Variants in TG observed in about 807,000 individuals in gnomAD.
The protein encoded by TG is thyroid hormones.
In TG, 270 loss-of-function variants were observed where a neutral mutation model predicts 324.7. That is an observed-to-expected ratio of 0.83 (90% CI 0.75 to 0.92). The LOEUF is 0.92. Among genes scored for constraint, TG ranks in the 40% least tolerant of loss-of-function variants. The probability of loss-of-function intolerance (pLI) is 0.00; values close to 1 mark genes in which losing one functional copy is unlikely to be tolerated. For synonymous variants in TG, 1,401 were observed against 1,327.0 expected (o/e 1.06, Z -1.21); for missense variants, 3,591 against 3,456.4 (o/e 1.04, Z -0.98).
intron 22 of TG, among the ~76,000 whole-genome samples, chr8:132,928,822 A>G (rs1587444445): frequency 1.3e-5 from 2 of 152,248 alleles, no homozygotes; most frequent in African/African-American, 4.8e-5. Context: ...AGTTGTAAGG[A>G]CTAACATTAA....
At chr8:133,065,804 TAA>T (rs999940950) in intron 41 of TG, among the ~76,000 whole-genome samples, 12 of 148,266 alleles carry the variant, frequency 8.1e-5, no homozygotes, top group African/African-American at 2.6e-4. Context: ...AATAAAAAAG[TAA>T]AATAAAAGTC....
intron 33 of TG, among the ~76,000 whole-genome samples, chr8:132,972,091 C>G (rs1434706040): frequency 6.6e-6 from 1 of 152,028 alleles, no homozygotes; most frequent in Non-Finnish European, 1.5e-5. Flanking sequence ...TCTACCTGGC[C>G]AAACTTCCTT....
Position 132,913,256 on chromosome 8 carries a change from C to G in TG, c.4369C>G (p.Leu1457Val), listed in dbSNP as rs989763340. The G allele has an allele frequency of 2.5e-6, 4 of 1,614,044 alleles. No individual in the cohort carries two copies. The highest frequency in any genetic ancestry group is 1.1e-5 in the South Asian group (1 of 91,080). The change falls in exon 20 of 48, where the codon CTG (leucine) becomes GTG (valine). Residue 1457 changes from leucine to valine, a missense_variant. Physicochemically the swap from Leu to Val is conservative, Grantham distance 32. Transcript: ENST00000220616. ...GACAAGTGAGGCCAGTCAGGACGGA[C>G]TGGGATGCGGTAGGTCCACTCTCTC... ...VLTSEASQDG[L>V]GCVKCPEGSY...
At chr8:133,061,142 C>T (rs1418962154) in intron 41 of TG, among the ~76,000 whole-genome samples, 1 of 152,190 alleles carries the variant, frequency 6.6e-6, no homozygotes, top group Non-Finnish European at 1.5e-5. Context: ...TTCCAAGTAG[C>T]TGGGATTACA....
At chr8:133,084,815 A>G (rs1481389877) in intron 41 of TG, among the ~76,000 whole-genome samples, 1 of 152,234 alleles carries the variant, frequency 6.6e-6, no homozygotes, top group East Asian at 1.9e-4. Flanking sequence ...ACAGTTCTAC[A>G]GCTAGACCAC....
chr8:133,047,074 C>T (rs143599107), intron 41 of TG: 2 of 152,312 alleles, frequency 1.3e-5, no homozygotes, highest in Admixed American at 6.5e-5. Context: ...ATGGTACTCT[C>T]CTACTGTAAA....
chr8:132,935,897 C>T (rs200421152), intron 25 of TG, 33 bp downstream of exon 25: 50 of 1,563,068 alleles, frequency 3.2e-5, no homozygotes, highest in African/African-American at 1.4e-4. Context: ...CTTAGGCCCG[C>T]GGTGGCTTCA....
chr8:132,885,880 T>C (rs182632636), intron 8 of TG, among the ~76,000 whole-genome samples: 71 of 152,302 alleles, frequency 4.7e-4, no homozygotes, highest in African/African-American at 1.7e-3. Context: ...CTGGTGTCTT[T>C]GGCTTGTGGC....
At chr8:132,942,260 A>G (rs1023820275) in intron 26 of TG, among the ~76,000 whole-genome samples, 5 of 152,208 alleles carry the variant, frequency 3.3e-5, no homozygotes, top group Non-Finnish European at 5.9e-5. Context: ...AGAGATAATG[A>G]TACTTTCTAC....
chr8:133,133,986 G>A (rs1852155925), intron 47 of TG, among the ~76,000 whole-genome samples: 1 of 152,248 alleles, frequency 6.6e-6, no homozygotes, highest in Non-Finnish European at 1.5e-5. Flanking sequence ...AGAGAAGGGA[G>A]TGTCTTGAAC....
At chr8:132,870,778 G>C (rs1417335650) in intron 3 of TG, among the ~76,000 whole-genome samples, 2 of 152,056 alleles carry the variant, frequency 1.3e-5, no homozygotes, top group African/African-American at 4.8e-5. Flanking sequence ...GAAAGCTAGA[G>C]AGATAGAAGG....
chr8:132,935,484 C>G (rs1265539930), intron 24 of TG, among the ~76,000 whole-genome samples: 2 of 152,158 alleles, frequency 1.3e-5, no homozygotes, highest in African/African-American at 4.8e-5. Context: ...CTCAGACTCA[C>G]TTTTTCTGGG....
At chr8:133,056,309 ATG>A (rs1420914105) in intron 41 of TG, among the ~76,000 whole-genome samples, 1 of 152,168 alleles carries the variant, frequency 6.6e-6, no homozygotes, top group Non-Finnish European at 1.5e-5. Context: ...AGACCATCTC[ATG>A]TACCAGCAGC....
intron 41 of TG, among the ~76,000 whole-genome samples, chr8:133,056,673 G>A (rs532339765): frequency 3.3e-5 from 5 of 152,308 alleles, no homozygotes; most frequent in Admixed American, 6.5e-5. Flanking sequence ...CAGAAGCCTC[G>A]TGGGGCTGTG....
intron 47 of TG, among the ~76,000 whole-genome samples, chr8:133,134,329 T>A (rs1290173543): frequency 6.6e-6 from 1 of 152,144 alleles, no homozygotes; most frequent in Non-Finnish European, 1.5e-5. Context: ...GATGCTGGGC[T>A]GTGGTTTTTA....
rs374108215 is a variant in TG, at chr8:132,873,138, G to A, written c.555G>A (p.Ala185=). The A allele has an allele frequency of 6.2e-4, 1,003 of 1,614,124 alleles. 19 individuals are homozygous for A. The South Asian group carries it at 9.8e-3, about 16-fold the overall frequency. The change falls in exon 5 of 48, where the codon GCG becomes GCA. Residue 185 remains alanine, a synonymous_variant. Transcript: ENST00000220616. ...VGDKSPPQCS[A]EGEFMPVQCK... ...ATAAGTCACCACCCCAGTGTTCTGC[G>A]GAGGGAGAGTTTATGCCTGTCCAGT...
chr8:132,876,579 G>T (rs943164768), intron 5 of TG, among the ~76,000 whole-genome samples: 11 of 152,250 alleles, frequency 7.2e-5, no homozygotes, highest in Admixed American at 2.0e-4. Context: ...CTTGAATTTG[G>T]CAATGATGTT....
chr8:133,025,731 C>T (rs968126857), intron 40 of TG, among the ~76,000 whole-genome samples: 1 of 152,200 alleles, frequency 6.6e-6, no homozygotes, highest in Non-Finnish European at 1.5e-5. Flanking sequence ...CTCTTCATCT[C>T]TCCCTTTTTC....
chr8:132,962,353 C>T (rs768220010), intron 28 of TG, among the ~76,000 whole-genome samples: 2 of 152,128 alleles, frequency 1.3e-5, no homozygotes, highest in African/African-American at 2.4e-5. Context: ...CCATGGTATG[C>T]CTGGGAGGTC....
Sources: gnomAD v4.1 joint callset for allele counts (sites outside exome capture counted in the v4.1 genomes callset) on GRCh38, gnomAD v4.1.1 for gene constraint, MANE v1.5 for transcripts, NCBI Gene and HGNC (gene_info 2026-07-23, HGNC 2026-07-21) for gene names.